Variants in IGSF21 observed in about 807,000 individuals in gnomAD.
The protein encoded by IGSF21 is immunoglobulin superfamily member 21.
Under a neutral mutation model 46.8 loss-of-function variants are expected in IGSF21, and 28 were observed. The observed-to-expected ratio is 0.60, with a 90% CI of 0.44 to 0.82. The LOEUF is 0.82. Among genes scored for constraint, IGSF21 ranks in the 40% least tolerant of loss-of-function variants. The pLI is 0.00. For missense variants in IGSF21, 624 were observed against 665.5 expected (o/e 0.94, Z 0.69); for synonymous variants, 284 against 273.6 (o/e 1.04, Z -0.38).
At chr1:18,312,092 G>A (rs1236926446) in intron 3 of IGSF21, among the ~76,000 whole-genome samples, 1 of 152,136 alleles carries the variant, frequency 6.6e-6, no homozygotes, top group East Asian at 1.9e-4. Context: ...CCTAGGGGTG[G>A]GCACGGCATC....
At chr1:18,239,677 G>A (rs535977972) in intron 2 of IGSF21, among the ~76,000 whole-genome samples, 1 of 152,170 alleles carries the variant, frequency 6.6e-6, no homozygotes, top group East Asian at 1.9e-4. Flanking sequence ...CATATGTGCT[G>A]TCTCTGCGTG....
At chr1:18,376,133 G>T (rs1259454361) in intron 6 of IGSF21, 177 bp from the exon 7 acceptor site, 2 of 645,032 alleles carry the variant, frequency 3.1e-6, no homozygotes, top group East Asian at 2.8e-5. Flanking sequence ...CATGGGCTTA[G>T]GGAATATGTC....
chr1:18,119,596 T>C (rs1434903289), intron 1 of IGSF21, among the ~76,000 whole-genome samples: 1 of 152,216 alleles, frequency 6.6e-6, no homozygotes, highest in East Asian at 1.9e-4. Context: ...CTCTTTTCCT[T>C]TCTCAGATTG....
intron 3 of IGSF21, among the ~76,000 whole-genome samples, chr1:18,320,503 G>A (rs1002950196): frequency 9.8e-5 from 15 of 152,332 alleles, no homozygotes; most frequent in Middle Eastern, 3.4e-3. Context: ...GAAGCGGCGG[G>A]AGTCAGGTTT....
At position 18,376,920 on chromosome 1, in the gene IGSF21, G is replaced by A; in HGVS notation, c.1222G>A (p.Gly408Ser). The A allele has an allele frequency of 5.0e-6, 8 of 1,612,766 alleles. No individual in the cohort carries two copies. The highest frequency in any genetic ancestry group is 6.8e-6 in the Non-Finnish European group (8 of 1,178,848). Residue 408 changes from glycine (G) to serine (S), a missense_variant, in exon 8 of 10, where the codon GGC (glycine) becomes AGC (serine). Physicochemically the swap from Gly to Ser is moderately conservative, Grantham distance 56. Transcript: ENST00000251296. ...GGAGCGGGTTCCCGCCGAGCTCAAT[G>A]GCTCCATGTATCGCTGCACCGCCCA... The part of the protein sequence containing the change: ...VLERVPAELN[G>S]SMYRCTAQNP...
intron 2 of IGSF21, among the ~76,000 whole-genome samples, chr1:18,287,202 T>TAA (rs1271767939): frequency 7.2e-6 from 1 of 137,934 alleles, no homozygotes; most frequent in Non-Finnish European, 1.6e-5. Flanking sequence ...ATAAAATAAA[T>TAA]AAATAAATAA....
intron 1 of IGSF21, among the ~76,000 whole-genome samples, chr1:18,221,032 G>A (rs1255500809): frequency 3.3e-5 from 5 of 152,060 alleles, no homozygotes; most frequent in Non-Finnish European, 5.9e-5. Context: ...ATGAATGGGT[G>A]CAGGAAGCCC....
At chr1:18,357,259 G>GA (rs2086029267) in intron 4 of IGSF21, among the ~76,000 whole-genome samples, 1 of 149,632 alleles carries the variant, frequency 6.7e-6, no homozygotes, top group Admixed American at 6.7e-5. Context: ...TGGGGATGGT[G>GA]ATAAAAACAG....
intron 2 of IGSF21, among the ~76,000 whole-genome samples, chr1:18,237,742 T>C (rs943711326): frequency 2.6e-5 from 4 of 152,164 alleles, no homozygotes; most frequent in African/African-American, 9.7e-5. Flanking sequence ...GTTTTATTTT[T>C]CCGCTTCTCC....
In IGSF21 at chr1:18,294,987, G is replaced by A. The variant is rs573107348; in HGVS notation, c.305+3000G>A. ...TCCCAGCTCCACAGCTGTCTGAGCC[G>A]TTTCCTCTTCAGCTGGGGAAAGTAG... On this transcript the variant is annotated intron_variant, in intron 3 of 9. Coordinates refer to ENST00000251296, the MANE Select transcript of IGSF21 (RefSeq NM_032880.5). Among the ~76,000 whole-genome samples, 6 of 152,376 alleles carry A rather than the reference G, an allele frequency of 3.9e-5. No homozygotes were observed. The South Asian group carries it at 6.2e-4, about 16-fold the overall frequency.
At chr1:18,188,138 G>A (rs999987717) in intron 1 of IGSF21, among the ~76,000 whole-genome samples, 5 of 152,164 alleles carry the variant, frequency 3.3e-5, no homozygotes, top group Admixed American at 3.3e-4. Context: ...TAGCAAAGTT[G>A]TGGCTTGCTA....
intron 6 of IGSF21, among the ~76,000 whole-genome samples, chr1:18,370,899 G>A (rs1428862897): frequency 2.0e-5 from 3 of 152,166 alleles, no homozygotes; most frequent in African/African-American, 7.2e-5. Flanking sequence ...TATTAGAGTG[G>A]CTAAAATTTT....
rs1223380240 is a variant in IGSF21, at chr1:18,290,413, G to A, written c.184-1453G>A. Among the ~76,000 whole-genome samples the A allele has an allele frequency of 6.6e-6, 1 of 152,178 alleles. No homozygotes were observed. The highest frequency in any genetic ancestry group is 2.4e-5 in the African/African-American group (1 of 41,430). On this transcript the variant is annotated intron_variant, in intron 2 of 9. Coordinates refer to ENST00000251296, the MANE Select transcript of IGSF21 (RefSeq NM_032880.5). The surrounding 1 kb of genome is among the most constrained non-coding windows in gnomAD (Gnocchi z 4.2). The stretch of plus-strand genomic sequence containing the variant: ...GTAAGGAGAAGCCGTGCCCTGGGAA[G>A]TCTCACTGCCGCTTCCTCTCAGGGT...
intron 1 of IGSF21, among the ~76,000 whole-genome samples, chr1:18,160,631 A>G (rs893651092): frequency 6.6e-6 from 1 of 151,980 alleles, no homozygotes; most frequent in Admixed American, 6.6e-5. Context: ...AGGACCGGGC[A>G]CTCAGAGCGT....
chr1:18,236,320 A>T (rs1346256624), intron 2 of IGSF21, among the ~76,000 whole-genome samples: 1 of 152,166 alleles, frequency 6.6e-6, no homozygotes, highest in East Asian at 1.9e-4. Context: ...GTAAGATGTG[A>T]CTTTGATTCT....
chr1:18,307,704 C>T (rs367578625), intron 3 of IGSF21, among the ~76,000 whole-genome samples: 3 of 152,216 alleles, frequency 2.0e-5, no homozygotes, highest in Non-Finnish European at 2.9e-5. Context: ...CAGCTGTGGT[C>T]GGCCTCTGCC....
chr1:18,203,771 T>C (rs1410798458), intron 1 of IGSF21, among the ~76,000 whole-genome samples: 1 of 152,228 alleles, frequency 6.6e-6, no homozygotes, highest in African/African-American at 2.4e-5. Context: ...TATTAGTTCT[T>C]TCTAAGCCTG....
intron 2 of IGSF21, among the ~76,000 whole-genome samples, chr1:18,235,351 A>C (rs954552757): frequency 7.2e-5 from 11 of 152,244 alleles, no homozygotes; most frequent in African/African-American, 2.7e-4. Flanking sequence ...TCCTGTGCTC[A>C]CACAGTTTAC....
intron 2 of IGSF21, among the ~76,000 whole-genome samples, chr1:18,260,798 G>A (rs980007478): frequency 1.4e-4 from 21 of 152,164 alleles, no homozygotes; most frequent in African/African-American, 2.6e-4. Context: ...TTGGTCCAGC[G>A]TCCGAGCCCT....
Sources: gnomAD v4.1 joint callset for allele counts (sites outside exome capture counted in the v4.1 genomes callset) on GRCh38, gnomAD v4.1.1 for gene constraint, Gnocchi (gnomAD v3.1) non-coding constraint, MANE v1.5 for transcripts, NCBI Gene and HGNC (gene_info 2026-07-23, HGNC 2026-07-21) for gene names.